Variants in RAB10 observed in about 807,000 individuals in gnomAD.
RAB10 encodes the protein ras-related protein Rab-10.
In RAB10, 5 loss-of-function variants were observed where a neutral mutation model predicts 25.7. The observed-to-expected ratio is 0.19, with a 90% CI of 0.10 to 0.41. RAB10 has a LOEUF of 0.41. Among genes scored for constraint, RAB10 ranks in the 10% least tolerant of loss-of-function variants. The pLI, the probability that RAB10 is intolerant of heterozygous loss-of-function variation, is 1.00. For missense variants in RAB10, 103 were observed against 245.8 expected (o/e 0.42, Z 3.89); for synonymous variants, 89 against 86.4 (o/e 1.03, Z -0.16).
At chr2:26,037,192 G>A (rs529275962) in intron 1 of RAB10, among the ~76,000 whole-genome samples, 2 of 152,304 alleles carry the variant, frequency 1.3e-5, no homozygotes, top group East Asian at 1.9e-4. Context: ...ACTCAATCCT[G>A]TAAGATAATG....
In RAB10 at chr2:26,034,490, C is replaced by G. The variant is rs1665719263; in HGVS notation, c.-119C>G. On this transcript the variant is annotated 5_prime_UTR_variant, in exon 1 of 6. Transcript: ENST00000264710. ...GTAGGTCGCCCGCGCCGTCTCGAGC[C>G]TTTTTCCCACGCTTCCCCGGTCCTC... 12 of 1,414,468 alleles carry G rather than the reference C, an allele frequency of 8.5e-6. No individual in the cohort carries two copies. The highest frequency in any genetic ancestry group is 1.3e-5 in the South Asian group (1 of 76,640). The allele number at this position is 1,414,468 out of a possible 1,614,324, so 87.6% of individuals were successfully genotyped here.
chr2:26,077,643 A>G (rs770164004), intron 1 of RAB10, among the ~76,000 whole-genome samples: 7 of 152,208 alleles, frequency 4.6e-5, no homozygotes, highest in Non-Finnish European at 7.3e-5. Context: ...ATGCCGTATA[A>G]TGTGCAGGAA....
chr2:26,063,890 C>T (rs1168075168), intron 1 of RAB10, among the ~76,000 whole-genome samples: 2 of 152,134 alleles, frequency 1.3e-5, no homozygotes, highest in African/African-American at 2.4e-5. Flanking sequence ...CTCTGCCTCC[C>T]GGGTTCAAAT....
chr2:26,128,393 G>C (rs905267301), intron 5 of RAB10, among the ~76,000 whole-genome samples: 3 of 152,248 alleles, frequency 2.0e-5, no homozygotes, highest in South Asian at 2.1e-4. Flanking sequence ...ACAGCCCCGG[G>C]GTTGGGGACT....
intron 2 of RAB10, among the ~76,000 whole-genome samples, chr2:26,105,107 G>C (rs1028795865): frequency 2.0e-5 from 3 of 152,108 alleles, no homozygotes; most frequent in Admixed American, 1.3e-4. Context: ...GATATATTCA[G>C]TTGTTCCAGC....
In RAB10 at chr2:26,069,750, G is replaced by A. The variant is rs978352876; in HGVS notation, c.128-28912G>A. On this transcript the variant is annotated intron_variant, in intron 1 of 5. Coordinates refer to ENST00000264710, the MANE Select transcript of RAB10 (RefSeq NM_016131.5). ...AGATGGGGTCTCACTCTGTTGCCCCGGCTGGAGAGCAGTGGCATGATCTCA... is the reference window on the plus strand; with the variant it reads ...AGATGGGGTCTCACTCTGTTGCCCCAGCTGGAGAGCAGTGGCATGATCTCA... 7.4e-5 allele frequency among the ~76,000 whole-genome samples: 11 copies of A among 148,614 alleles called. 1 individual carries two copies. The highest frequency in any genetic ancestry group is 1.5e-4 in the Non-Finnish European group (10 of 67,508).
At chr2:26,074,044 G>A (rs1390820246) in intron 1 of RAB10, among the ~76,000 whole-genome samples, 1 of 152,170 alleles carries the variant, frequency 6.6e-6, no homozygotes, top group African/African-American at 2.4e-5. Context: ...ACTTTGTCTA[G>A]TAGAAACGTC....
intron 1 of RAB10, among the ~76,000 whole-genome samples, chr2:26,045,863 A>ATT (rs919259628): frequency 3.9e-5 from 6 of 151,928 alleles, no homozygotes; most frequent in African/African-American, 1.5e-4. Flanking sequence ...TTAAAACTTT[A>ATT]TTTTATATAT....
chr2:26,063,859 G>A (rs1379502814), intron 1 of RAB10, among the ~76,000 whole-genome samples: 1 of 152,138 alleles, frequency 6.6e-6, no homozygotes, highest in Non-Finnish European at 1.5e-5. Flanking sequence ...GTGCAGTGGC[G>A]TGACCTCAGC....
chr2:26,128,143 G>C (rs375958293), intron 5 of RAB10, among the ~76,000 whole-genome samples, 192 bp downstream of exon 5: 2 of 152,124 alleles, frequency 1.3e-5, no homozygotes, highest in East Asian at 3.8e-4. Flanking sequence ...ACCGTACTGG[G>C]GGGTAGTTTC....
At chr2:26,119,783 T>C (rs1667764153) in intron 3 of RAB10, among the ~76,000 whole-genome samples, 1 of 152,200 alleles carries the variant, frequency 6.6e-6, no homozygotes. Context: ...CTTCCCAGAA[T>C]GTTGGGATTA....
At chr2:26,043,758 T>C (rs769928558) in intron 1 of RAB10, among the ~76,000 whole-genome samples, 7 of 152,178 alleles carry the variant, frequency 4.6e-5, no homozygotes, top group African/African-American at 9.6e-5. Flanking sequence ...TGGGGAGTTA[T>C]TGCTTAATGA....
chr2:26,091,370 G>T (rs532924538), intron 1 of RAB10, among the ~76,000 whole-genome samples: 56 of 152,254 alleles, frequency 3.7e-4, no homozygotes, highest in South Asian at 8.3e-4. Flanking sequence ...AAAGAGCCAT[G>T]ATGGATGAGA....
intron 5 of RAB10, among the ~76,000 whole-genome samples, chr2:26,133,696 T>C (rs1454549533): frequency 6.6e-6 from 1 of 152,160 alleles, no homozygotes; most frequent in Non-Finnish European, 1.5e-5. Context: ...TTTTTTGAGA[T>C]GGAGTCTCAC....
chr2:26,042,357 TG>T (rs1384720761), intron 1 of RAB10, among the ~76,000 whole-genome samples: 3 of 152,112 alleles, frequency 2.0e-5, no homozygotes, highest in Non-Finnish European at 2.9e-5. Flanking sequence ...TTGATTAGGC[TG>T]GGTGCTGTGG....
chr2:26,087,087 CT>C (rs535104782), intron 1 of RAB10, among the ~76,000 whole-genome samples: 2 of 150,888 alleles, frequency 1.3e-5, no homozygotes, highest in African/African-American at 2.4e-5. Flanking sequence ...TTTATTTTTT[CT>C]TTTTTTTTGT....
chr2:26,088,079 T>C (rs2149276339), intron 1 of RAB10, among the ~76,000 whole-genome samples: 1 of 152,334 alleles, frequency 6.6e-6, no homozygotes, highest in South Asian at 2.1e-4. Context: ...AAACACTTGA[T>C]TTTCACTTGT....
chr2:26,117,285 G>A (rs187486354), intron 3 of RAB10, among the ~76,000 whole-genome samples: 3 of 152,150 alleles, frequency 2.0e-5, no homozygotes, highest in African/African-American at 4.8e-5. Context: ...GGGATGCAGC[G>A]TAAACAACAT....
intron 1 of RAB10, among the ~76,000 whole-genome samples, chr2:26,043,236 T>C (rs1303797478): frequency 6.6e-6 from 1 of 152,126 alleles, no homozygotes; most frequent in African/African-American, 2.4e-5. Context: ...CTGGGCAACA[T>C]GGTGAGATCC....
Sources: gnomAD v4.1 joint callset for allele counts (sites outside exome capture counted in the v4.1 genomes callset) on GRCh38, gnomAD v4.1.1 for gene constraint, MANE v1.5 for transcripts, NCBI Gene and HGNC (gene_info 2026-07-23, HGNC 2026-07-21) for gene names.